Variants in PIEZO2 observed in about 807,000 individuals in gnomAD.
PIEZO2 encodes the protein piezo-type mechanosensitive ion channel component 2.
Under a neutral mutation model 337.3 loss-of-function variants are expected in PIEZO2, and 172 were observed. The observed-to-expected ratio is 0.51, with a 90% CI of 0.45 to 0.58. PIEZO2 has a LOEUF of 0.58. PIEZO2 is among the 20% of genes least tolerant of loss of function. The probability of loss-of-function intolerance (pLI) is 0.00; values close to 1 mark genes in which losing one functional copy is unlikely to be tolerated. For synonymous variants in PIEZO2, 1,251 were observed against 1,228.5 expected (o/e 1.02, Z -0.38); for missense variants, 3,028 against 3,391.3 (o/e 0.89, Z 2.66).
Position 10,856,914 on chromosome 18 carries a change from C to T in PIEZO2, c.703+87G>A, listed in dbSNP as rs190615005. 196 of 1,233,778 alleles carry T rather than the reference C, an allele frequency of 1.6e-4. No homozygotes were observed. The East Asian group carries it at 3.7e-3, about 23-fold the overall frequency. The allele number at this position is 1,233,778 out of a possible 1,614,324, so 76.4% of individuals were successfully genotyped here. On this transcript the variant is annotated intron_variant, in intron 6 of 55. Coordinates refer to ENST00000674853, the MANE Select transcript of PIEZO2 (RefSeq NM_001378183.1). The surrounding 1 kb of genome is among the most constrained non-coding windows in gnomAD (Gnocchi z 4.7). ...TTCATGTGGTGGAACAGACTGTTTCCTTCATTTCTTCTTCAACCATTTCTC... is the reference window on the plus strand; with the variant it reads ...TTCATGTGGTGGAACAGACTGTTTCTTTCATTTCTTCTTCAACCATTTCTC...
rs2036460813 is a variant in PIEZO2, at chr18:10,724,770, G to GC, written c.5030-6512_5030-6511insG. 1.3e-5 allele frequency: 20 copies of GC among 1,567,806 alleles called. No individual in the cohort carries two copies. The highest frequency in any genetic ancestry group is 1.5e-5 in the Non-Finnish European group (17 of 1,154,906). ...AGTCCCTGGCCTTGCCCGTGGCTCT[G>GC]GCAGTCCCCCCAGCACTGCAGCCCC... On this transcript the variant is annotated intron_variant, in intron 36 of 55. Transcript: ENST00000674853. The surrounding 1 kb of genome is among the most constrained non-coding windows in gnomAD (Gnocchi z 5.8).
intron 16 of PIEZO2, 58 bp from the exon 17 acceptor site, chr18:10,785,015 C>G: frequency 6.8e-7 from 1 of 1,468,836 alleles, no homozygotes; most frequent in African/African-American, 1.4e-5. Flanking sequence ...AAGTCACAAA[C>G]TCTTTGTGAT....
intron 39 of PIEZO2, among the ~76,000 whole-genome samples, chr18:10,714,550 T>G (rs986994523): frequency 6.6e-6 from 1 of 152,182 alleles, no homozygotes; most frequent in Non-Finnish European, 1.5e-5. Flanking sequence ...GTATAGCTAA[T>G]AGTGTCTTAT....
At position 11,135,954 on chromosome 18, in the gene PIEZO2, A is replaced by G. The variant is rs150637427; in HGVS notation, c.64+12571T>C. Among the ~76,000 whole-genome samples the G allele has an allele frequency of 1.2e-4, 19 of 152,342 alleles. No individual in the cohort carries two copies. In the East Asian group the frequency reaches 3.1e-3, roughly 25 times the overall value. On this transcript the variant is annotated intron_variant, in intron 1 of 55. Coordinates refer to ENST00000674853, the MANE Select transcript of PIEZO2 (RefSeq NM_001378183.1). ...GGAATAGATAACCAACTGGTGTCAT[A>G]AGGATAAGATAATATCTGACATTTG...
rs374993280 is a variant in PIEZO2, at chr18:10,807,245, G to T, written c.947C>A (p.Thr316Lys). 1.2e-4 allele frequency: 182 copies of T among 1,536,780 alleles called. No homozygotes were observed. The Middle Eastern group carries it at 1.3e-3, about 11-fold the overall frequency. ...GATCTTCCAAGTACTTGAACAGTCCGTTTGAATTACTGACTTGATACCAAA... is the reference window on the plus strand; with the variant it reads ...GATCTTCCAAGTACTTGAACAGTCCTTTTGAATTACTGACTTGATACCAAA... ...RLFGIKSVIQ[T>K]DCSSTWKIIV... Residue 316 changes from threonine (T) to lysine (K), a missense_variant, in exon 8 of 56, where the codon ACG becomes AAG. Transcript: ENST00000674853.
At chr18:11,119,156 T>A (rs1440516601) in intron 1 of PIEZO2, among the ~76,000 whole-genome samples, 5 of 142,612 alleles carry the variant, frequency 3.5e-5, no homozygotes, top group Non-Finnish European at 7.9e-5. Flanking sequence ...GCTTTTTTTT[T>A]TTTTTTTTTG....
intron 36 of PIEZO2, chr18:10,728,236 G>A (rs891593968): frequency 6.6e-6 from 1 of 152,612 alleles, no homozygotes; most frequent in Non-Finnish European, 1.5e-5. Flanking sequence ...TGAGGCCAAA[G>A]GAAATTGGAC....
chr18:11,032,194 G>T lies in PIEZO2; in HGVS notation c.160+33933C>A, dbSNP rs762706566. Among the ~76,000 whole-genome samples the T allele has an allele frequency of 8.5e-5, 13 of 152,184 alleles. No individual in the cohort carries two copies. The highest frequency in any genetic ancestry group is 1.5e-4 in the Non-Finnish European group (10 of 68,044). ...ATGCAAAACCCAAATGAACACAGCA[G>T]CAGAGAGCCTTATGTCTCAACATTG... On this transcript the variant is annotated intron_variant, in intron 2 of 55. Coordinates refer to ENST00000674853, the MANE Select transcript of PIEZO2 (RefSeq NM_001378183.1). The surrounding 1 kb of genome is among the most constrained non-coding windows in gnomAD (Gnocchi z 4.9).
intron 49 of PIEZO2, among the ~76,000 whole-genome samples, chr18:10,689,063 G>A (rs1482891861): frequency 1.3e-5 from 2 of 152,140 alleles, no homozygotes; most frequent in Non-Finnish European, 2.9e-5. Context: ...TTTGAGACGA[G>A]AAAGAAAGAC....
At chr18:10,925,337 A>T (rs2031660844) in intron 3 of PIEZO2, among the ~76,000 whole-genome samples, 1 of 152,164 alleles carries the variant, frequency 6.6e-6, no homozygotes, top group Admixed American at 6.5e-5. Context: ...AATAAAACAG[A>T]CCCGCTAATT....
At chr18:10,698,904 A>G in intron 44 of PIEZO2, 21 bp downstream of exon 44, 1 of 1,535,834 alleles carries the variant, frequency 6.5e-7, no homozygotes, top group East Asian at 2.4e-5. Flanking sequence ...TACAGCCTAG[A>G]TATATTGTGT....
chr18:11,103,028 A>T (rs2039463110), intron 1 of PIEZO2, among the ~76,000 whole-genome samples: 1 of 152,132 alleles, frequency 6.6e-6, no homozygotes, highest in African/African-American at 2.4e-5. Context: ...TAGGAATGGG[A>T]CAATCACTAG....
Position 10,997,280 on chromosome 18 carries a change from A to G in PIEZO2, c.161-17620T>C, listed in dbSNP as rs540703546. Reference sequence around the variant, plus strand: ...AAAAGAAAGAAAGAAAGAGACAATGAAAACTTAAACATTCTGCAGAAGATT... The same window carrying G: ...AAAAGAAAGAAAGAAAGAGACAATGGAAACTTAAACATTCTGCAGAAGATT... On this transcript the variant is annotated intron_variant, in intron 2 of 55. Transcript: ENST00000674853. Among the ~76,000 whole-genome samples, 31 of 152,196 alleles carry G rather than the reference A, an allele frequency of 2.0e-4. No homozygotes were observed. The South Asian group carries it at 6.4e-3, about 32-fold the overall frequency.
Position 10,678,026 on chromosome 18 carries a change from C to T in PIEZO2, c.7953-151G>A. On this transcript the variant is annotated intron_variant, in intron 52 of 55. Transcript: ENST00000674853. ...TCCTGACCCTTTCAGTCTACTTCAC[C>T]TCAATGCTCAGCTTCTTAGACAATC... 4 of 727,298 alleles carry T rather than the reference C, an allele frequency of 5.5e-6. No individual in the cohort carries two copies. In the South Asian group the frequency reaches 6.1e-5, roughly 11 times the overall value. The allele number at this position is 727,298 out of a possible 1,614,324, so 45.1% of individuals were successfully genotyped here. A position where few individuals can be genotyped will look rare whatever the true frequency, so the allele number is the denominator to read the frequency against.
rs543348806 is a variant in PIEZO2, at chr18:10,969,182, G to T, written c.286+10353C>A. Reference sequence around the variant, plus strand: ...ATACAGTTATAGCTTTACATTGTTCGTCTATAATTTTGAGGTTGAGTTTAC... The same window carrying T: ...ATACAGTTATAGCTTTACATTGTTCTTCTATAATTTTGAGGTTGAGTTTAC... On this transcript the variant is annotated intron_variant, in intron 3 of 55. Coordinates refer to ENST00000674853, the MANE Select transcript of PIEZO2 (RefSeq NM_001378183.1). This position sits in a 1 kb window ranked among gnomAD's most constrained non-coding sequence, Gnocchi z 4.5. Among the ~76,000 whole-genome samples, 3 of 152,196 alleles carry T rather than the reference G, an allele frequency of 2.0e-5. No individual in the cohort carries two copies. The highest frequency in any genetic ancestry group is 7.2e-5 in the African/African-American group (3 of 41,528).
intron 8 of PIEZO2, among the ~76,000 whole-genome samples, chr18:10,805,598 G>A (rs1463429643): frequency 6.6e-6 from 1 of 152,168 alleles, no homozygotes; most frequent in African/African-American, 2.4e-5. Context: ...CATGTTTGTG[G>A]AGGAATTGGA....
chr18:10,978,653 T>G (rs955627492), intron 3 of PIEZO2, among the ~76,000 whole-genome samples: 5 of 152,200 alleles, frequency 3.3e-5, no homozygotes, highest in Admixed American at 2.0e-4. Context: ...AATTTTGATT[T>G]CCTTTTTACT....
At chr18:10,800,526 C>T in intron 10 of PIEZO2, 51 bp from the exon 11 acceptor site, 1 of 1,481,392 alleles carries the variant, frequency 6.8e-7, no homozygotes, top group South Asian at 1.3e-5. Flanking sequence ...TCTGGGTTTT[C>T]AATGCAGACA....
chr18:10,719,289 T>C (rs73385122), intron 36 of PIEZO2, among the ~76,000 whole-genome samples: 6,883 of 152,268 alleles, frequency 0.045, 515 homozygotes, highest in African/African-American at 0.16. Context: ...TCTGGTGTAC[T>C]CATCACCAAA....
Sources: allele counts gnomAD v4.1 joint callset (sites outside exome capture counted in the v4.1 genomes callset), GRCh38; gene constraint gnomAD v4.1.1; non-coding constraint Gnocchi (gnomAD v3.1); transcripts MANE v1.5; gene names NCBI Gene and HGNC (gene_info 2026-07-23, HGNC 2026-07-21).